VCAN: variants seen among roughly 807,000 people sequenced by gnomAD.
VCAN encodes the protein versican core protein.
Under a neutral mutation model 245.5 loss-of-function variants are expected in VCAN, and 44 were observed. The observed-to-expected ratio is 0.18, with a 90% CI of 0.14 to 0.23. The LOEUF is 0.23. VCAN is among the 10% of genes least tolerant of loss of function. The probability of loss-of-function intolerance (pLI) is 1.00; values close to 1 mark genes in which losing one functional copy is unlikely to be tolerated. For synonymous variants in VCAN, 1,413 were observed against 1,437.0 expected, an observed-to-expected ratio of 0.98 and a Z score of 0.38; for missense variants, 3,793 against 4,057.9, an observed-to-expected ratio of 0.93 and a Z score of 1.77.
rs115736343 is a variant in VCAN at position 83,565,231 on chromosome 5, A to G, written c.9736-7185A>G. Among the ~76,000 whole-genome samples the G allele has an allele frequency of 8.3e-3, 1,269 of 152,290 alleles. 10 individuals are homozygous for G. Among genetic ancestry groups the G allele is most frequent in the Middle Eastern group, 0.014 (4 of 294 alleles). ...TTGGACAGCTCAGTTTTCCCATCAC[A>G]AGAAGTAGGTTGCTGTCTACTCTGC... On this transcript the variant is annotated intron_variant, in intron 12 of 14. Transcript: ENST00000265077.
chr5:83,558,255 G>A (rs992307807), intron 12 of VCAN, among the ~76,000 whole-genome samples: 7 of 151,982 alleles, frequency 4.6e-5, no homozygotes, highest in Admixed American at 1.3e-4. Flanking sequence ...GCTTTGTTTC[G>A]CTGTTTACTC....
At chr5:83,503,230 G>C (rs1388973848) in intron 5 of VCAN, among the ~76,000 whole-genome samples, 5 of 152,052 alleles carry the variant, frequency 3.3e-5, no homozygotes, top group African/African-American at 7.2e-5. Context: ...GAGAGATAGA[G>C]AGAGAGAGAG....
In VCAN at chr5:83,493,691, C is replaced by T. The variant is rs148875090; in HGVS notation, c.591C>T (p.Asp197=). Residue 197 remains aspartate (D), a synonymous_variant, in exon 4 of 15, where the codon GAC becomes GAT. Transcript: ENST00000265077. ...AAYEDGFEQC[D]AGWLADQTVR... ...ATGAAGATGGATTTGAGCAGTGTGA[C>T]GCAGGCTGGCTGGCTGATCAGACTG... is the stretch of plus-strand genomic sequence containing the variant. 1.2e-4 allele frequency: 198 copies of T among 1,614,108 alleles called. No homozygotes were observed. The African/African-American group carries it at 1.5e-3, about 12-fold the overall frequency.
At position 83,541,920 on chromosome 5, in the gene VCAN, C is replaced by G; in HGVS notation, c.8917C>G (p.Gln2973Glu). ...TGAAATTGAATTAGAAGGTGCTACA[C>G]AGTGGCCACACTCTACTTCTGCTTC... Reference protein sequence around the residue: ...ADEIELEGATQWPHSTSASAT... With the variant: ...ADEIELEGATEWPHSTSASAT... The change falls in exon 8 of 15, where the codon CAG becomes GAG. Residue 2973 changes from glutamine (Q) to glutamate (E), a missense_variant. By Grantham distance (29) the Gln-to-Glu change is conservative (BLOSUM62 2). Transcript: ENST00000265077. 6.2e-7 allele frequency: 1 copy of G among 1,614,120 alleles called. No individual in the cohort carries two copies. The highest frequency in any genetic ancestry group is 2.2e-5 in the East Asian group (1 of 44,856).
chr5:83,520,015 C>T lies in VCAN; in HGVS notation c.1709C>T (p.Thr570Ile), dbSNP rs1746018229. ...RTLTVGSDES[T>I]LIFDQIPEVI... ...CTTACAGTTGGATCTGATGAGAGCA[C>T]CTTGATCTTTGACCAAATTCCTGAA... is the stretch of plus-strand genomic sequence containing the variant. The change falls in exon 7 of 15, where the codon ACC becomes ATC. Residue 570 changes from threonine to isoleucine, a missense_variant. Thr to Ile is a moderately conservative substitution (Grantham distance 89). Transcript: ENST00000265077. 6.2e-7 allele frequency: 1 copy of T among 1,613,912 alleles called. No homozygotes were observed. The highest frequency in any genetic ancestry group is 1.3e-5 in the African/African-American group (1 of 74,898).
At chr5:83,491,104 G>A (rs924076854) in intron 3 of VCAN, among the ~76,000 whole-genome samples, 16 of 152,258 alleles carry the variant, frequency 1.1e-4, no homozygotes, top group Middle Eastern at 6.8e-3. Flanking sequence ...GTTGTTATCC[G>A]TTAAGTATTG....
chr5:83,550,182 A>G (rs1487471062), intron 10 of VCAN, among the ~76,000 whole-genome samples: 1 of 152,208 alleles, frequency 6.6e-6, no homozygotes, highest in African/African-American at 2.4e-5. Flanking sequence ...CTTGACAGCT[A>G]TATGTCAGAG....
At chr5:83,480,932 A>C (rs1434417964) in intron 1 of VCAN, among the ~76,000 whole-genome samples, 1 of 152,174 alleles carries the variant, frequency 6.6e-6, no homozygotes, top group Non-Finnish European at 1.5e-5. Context: ...ATTGTATATC[A>C]CTGAGATTTA....
At chr5:83,577,644 A>G (rs1359118554) in intron 13 of VCAN, among the ~76,000 whole-genome samples, 2 of 152,160 alleles carry the variant, frequency 1.3e-5, no homozygotes, top group Non-Finnish European at 2.9e-5. Context: ...AAGATATTCT[A>G]TAGTTTCTAA....
chr5:83,532,186 A>G (rs989976413), intron 7 of VCAN, among the ~76,000 whole-genome samples: 1 of 152,064 alleles, frequency 6.6e-6, no homozygotes, highest in African/African-American at 2.4e-5. Context: ...TACACCGCAA[A>G]GAAACTTTTC....
In VCAN at chr5:83,580,427, G is replaced by A; in HGVS notation, c.10184G>A (p.Arg3395Lys). 6.2e-7 allele frequency: 1 copy of A among 1,613,780 alleles called. No individual in the cohort carries two copies. The highest frequency in any genetic ancestry group is 1.3e-5 in the African/African-American group (1 of 75,010). Residue 3395 changes from arginine to lysine, a missense_variant, in exon 15 of 15, where the codon AGG becomes AAG. Arg to Lys is a conservative substitution (Grantham distance 26). Transcript: ENST00000265077. ...HRWSRRWQES[R>K]R ...TGGAGCCGGAGGTGGCAGGAGTCGA[G>A]GCGCTGATCCCTAAAATGGCGAACA...
chr5:83,527,030 A>G (rs971891036), intron 7 of VCAN, among the ~76,000 whole-genome samples: 1 of 152,178 alleles, frequency 6.6e-6, no homozygotes, highest in Non-Finnish European at 1.5e-5. Flanking sequence ...CCATGAAGTG[A>G]TTCTCTCTCC....
At chr5:83,472,502 C>T (rs1256324864) in intron 1 of VCAN, among the ~76,000 whole-genome samples, 1 of 152,192 alleles carries the variant, frequency 6.6e-6, no homozygotes, top group East Asian at 1.9e-4. Flanking sequence ...CCTGGTTTCC[C>T]AGCCCCTGGT....
chr5:83,516,482 A>C (rs1197308352), intron 6 of VCAN, among the ~76,000 whole-genome samples: 1 of 152,224 alleles, frequency 6.6e-6, no homozygotes, highest in Non-Finnish European at 1.5e-5. Flanking sequence ...GGGGGTTTTA[A>C]GTTTTATTAG....
chr5:83,515,181 C>G (rs1055473518), intron 6 of VCAN, among the ~76,000 whole-genome samples: 7 of 152,156 alleles, frequency 4.6e-5, no homozygotes, highest in Non-Finnish European at 1.0e-4. Flanking sequence ...TCCTGTATAT[C>G]TTCTCTTAAT....
chr5:83,496,761 G>T (rs1455785447), intron 5 of VCAN, among the ~76,000 whole-genome samples: 1 of 152,150 alleles, frequency 6.6e-6, no homozygotes, highest in East Asian at 1.9e-4. Context: ...GTAAGAGGAA[G>T]ATCACAAAAT....
intron 12 of VCAN, among the ~76,000 whole-genome samples, chr5:83,555,495 T>A (rs184249131): frequency 1.3e-5 from 2 of 152,240 alleles, no homozygotes; most frequent in African/African-American, 2.4e-5. Context: ...TAAAGAAGAC[T>A]GTTGATATGA....
chr5:83,512,496 G>A, intron 6 of VCAN, 100 bp downstream of exon 6: 7 of 1,384,480 alleles, frequency 5.1e-6, no homozygotes, highest in Non-Finnish European at 6.9e-6. Flanking sequence ...TCCATGTCTT[G>A]CAGTGTGTGC....
chr5:83,546,992 A>T (rs1747251944), intron 9 of VCAN, among the ~76,000 whole-genome samples: 1 of 152,194 alleles, frequency 6.6e-6, no homozygotes, highest in South Asian at 2.1e-4. Flanking sequence ...TTTGACATAG[A>T]TTTTAAAGTT....
Sources: gnomAD v4.1 joint callset for allele counts (sites outside exome capture counted in the v4.1 genomes callset) on GRCh38, gnomAD v4.1.1 for gene constraint, MANE v1.5 for transcripts, NCBI Gene and HGNC (gene_info 2026-07-23, HGNC 2026-07-21) for gene names.